Variants in GARNL3 observed in about 807,000 individuals in gnomAD.
The protein encoded by GARNL3 is GTPase activating Rap/RanGAP domain like 3, also known as GTPase-activating Rap/Ran-GAP domain-like protein 3.
In GARNL3, 63 loss-of-function variants were observed where a neutral mutation model predicts 125.0. The observed-to-expected ratio is 0.50, with a 90% CI of 0.41 to 0.62. GARNL3 has a LOEUF of 0.62. Ranked by LOEUF, GARNL3 falls within the 20% of genes least tolerant of loss-of-function variation. The pLI, the probability that GARNL3 is intolerant of heterozygous loss-of-function variation, is 0.00. For missense variants in GARNL3, 994 were observed against 1,244.0 expected, an observed-to-expected ratio of 0.80 and a Z score of 3.02; for synonymous variants, 439 against 457.5, an observed-to-expected ratio of 0.96 and a Z score of 0.52.
chr9:127,276,130 CTT>C (rs397756190), intron 1 of GARNL3, among the ~76,000 whole-genome samples: 10 of 144,330 alleles, frequency 6.9e-5, no homozygotes, highest in African/African-American at 1.3e-4. Flanking sequence ...TCAACTCTGC[CTT>C]TTTTTTTTTT....
chr9:127,333,184 C>G (rs1467787153), intron 9 of GARNL3, 63 bp downstream of exon 9: 1 of 1,304,970 alleles, frequency 7.7e-7, no homozygotes, highest in Non-Finnish European at 1.1e-6. Context: ...CAGCCTGACC[C>G]GTGTCTGAAC....
chr9:127,300,790 A>G (rs1163024437), intron 2 of GARNL3: 2 of 379,910 alleles, frequency 5.3e-6, no homozygotes, highest in Non-Finnish European at 1.0e-5. Context: ...AGTTTTGCAG[A>G]TTCATTTGGA....
At chr9:127,288,527 T>C (rs929948286) in intron 1 of GARNL3, among the ~76,000 whole-genome samples, 5 of 152,128 alleles carry the variant, frequency 3.3e-5, no homozygotes, top group African/African-American at 1.2e-4. Context: ...TGACAGATGA[T>C]GGTGACTTGA....
intron 1 of GARNL3, among the ~76,000 whole-genome samples, chr9:127,231,041 T>TATATAC (rs1237213118): frequency 2.1e-5 from 1 of 47,326 alleles, no homozygotes; most frequent in Non-Finnish European, 3.7e-5. Context: ...TATACATATA[T>TATATAC]ATATATATAT....
intron 1 of GARNL3, among the ~76,000 whole-genome samples, chr9:127,227,388 G>T (rs572089112): frequency 6.6e-6 from 1 of 152,242 alleles, no homozygotes; most frequent in South Asian, 2.1e-4. Flanking sequence ...ATCATTTGAG[G>T]TCAGGAGTTT....
intron 2 of GARNL3, among the ~76,000 whole-genome samples, chr9:127,244,591 G>T (rs1242758837): frequency 6.6e-6 from 1 of 152,140 alleles, no homozygotes; most frequent in East Asian, 1.9e-4. Context: ...GTTGAGAAAC[G>T]CTGCTCTTAA....
chr9:127,275,896 A>G (rs1039142510), intron 1 of GARNL3, among the ~76,000 whole-genome samples: 9 of 152,158 alleles, frequency 5.9e-5, no homozygotes, highest in African/African-American at 2.2e-4. Flanking sequence ...AGTCTTTTAA[A>G]ATATAATCTC....
rs923461668 is a variant in GARNL3 at position 127,243,078 on chromosome 9, G to A, written c.-28-1G>A. 7.4e-7 allele frequency: 1 copy of A among 1,354,252 alleles called. No individual in the cohort carries two copies. The highest frequency in any genetic ancestry group is 1.5e-5 in the African/African-American group (1 of 67,578). The allele number at this position is 1,354,252 out of a possible 1,614,324, so 83.9% of individuals were successfully genotyped here. On this transcript the variant is annotated splice_acceptor_variant, in intron 1 of 10. Transcript: ENST00000439286. LOFTEE classifies it low-confidence loss of function (5UTR_SPLICE). The stretch of plus-strand genomic sequence containing the variant: ...TGCCTTTCCCAACTCTTCTGTTTCA[G>A]GACAGCTGCCCAGCCTCCAGGCCCA...
At chr9:127,390,857 A>G (rs1194221877) in intron 27 of GARNL3, 90 bp downstream of exon 27, 2 of 1,341,942 alleles carry the variant, frequency 1.5e-6, no homozygotes, top group Non-Finnish European at 2.1e-6. Context: ...TGATAATGCC[A>G]CTAGTGGCCC....
chr9:127,369,656 G>C (rs963252557), intron 22 of GARNL3, among the ~76,000 whole-genome samples: 3 of 152,248 alleles, frequency 2.0e-5, no homozygotes. Flanking sequence ...TCTCTGGAAA[G>C]CAGGGGGAGC....
chr9:127,384,983 C>A lies in GARNL3; in HGVS notation c.2270-44C>A. On this transcript the variant is annotated intron_variant, in intron 23 of 27. Coordinates refer to ENST00000373387, the MANE Select transcript of GARNL3 (RefSeq NM_032293.5). The surrounding 1 kb of genome is among the most constrained non-coding windows in gnomAD (Gnocchi z 4.0). ...GACACAGTCACAGCCCCTTCGCGGC[C>A]ACCAAGCCAGCAGCTGGGAGGTGAC... 1 of 1,287,350 alleles carries A rather than the reference C, an allele frequency of 7.8e-7. No homozygotes were observed. Among genetic ancestry groups the A allele is most frequent in the Non-Finnish European group, 1.1e-6 (1 of 899,892 alleles). 79.7% of individuals were successfully genotyped at this position (1,287,350 alleles called of 1,614,324 possible). A position where few individuals can be genotyped will look rare whatever the true frequency, so the allele number is the denominator to read the frequency against.
At chr9:127,238,745 C>G (rs1193594591) in intron 1 of GARNL3, among the ~76,000 whole-genome samples, 1 of 145,712 alleles carries the variant, frequency 6.9e-6, no homozygotes, top group Non-Finnish European at 1.5e-5. Flanking sequence ...CTCTTGGTGT[C>G]TTATTTTTCA....
intron 19 of GARNL3, 151 bp downstream of exon 19, chr9:127,354,561 A>G: frequency 1.8e-6 from 1 of 561,446 alleles, no homozygotes; most frequent in Non-Finnish European, 3.2e-6. Context: ...CACTGTTTCC[A>G]GAAGGAGCTT....
At chr9:127,271,706 C>G (rs2063828238) in intron 1 of GARNL3, among the ~76,000 whole-genome samples, 1 of 150,062 alleles carries the variant, frequency 6.7e-6, no homozygotes, top group Admixed American at 6.6e-5. Context: ...GAAATTGATA[C>G]AGTATCAGTG....
At chr9:127,289,836 G>A (rs539838105) in intron 1 of GARNL3, among the ~76,000 whole-genome samples, 8 of 152,314 alleles carry the variant, frequency 5.3e-5, no homozygotes, top group African/African-American at 1.2e-4. Context: ...TCAGTTTAGC[G>A]AATAGTGTAA....
chr9:127,298,149 C>G (rs2064663667), intron 2 of GARNL3, among the ~76,000 whole-genome samples: 1 of 152,150 alleles, frequency 6.6e-6, no homozygotes, highest in Non-Finnish European at 1.5e-5. Context: ...TTGATATCAC[C>G]AAACGTGTTT....
chr9:127,236,392 T>C (rs1364009516), intron 1 of GARNL3, among the ~76,000 whole-genome samples: 1 of 152,240 alleles, frequency 6.6e-6, no homozygotes, highest in Non-Finnish European at 1.5e-5. Context: ...GCACCAGTGA[T>C]AGCACAATCA....
chr9:127,365,034 G>A (rs911804235), intron 21 of GARNL3: 63 of 428,130 alleles, frequency 1.5e-4, no homozygotes, highest in Non-Finnish European at 2.3e-4. Flanking sequence ...GCTTCTCAAC[G>A]GCTATGAAAA....
At chr9:127,324,984 A>G in intron 6 of GARNL3, 85 bp from the exon 7 acceptor site, 1 of 1,368,508 alleles carries the variant, frequency 7.3e-7, no homozygotes, top group Non-Finnish European at 1.0e-6. Context: ...CAGTGTGAGC[A>G]AACCAAAGCT....
Sources: gnomAD v4.1 joint callset for allele counts (sites outside exome capture counted in the v4.1 genomes callset) on GRCh38, gnomAD v4.1.1 for gene constraint, Gnocchi (gnomAD v3.1) non-coding constraint, MANE v1.5 for transcripts, NCBI Gene and HGNC (gene_info 2026-07-23, HGNC 2026-07-21) for gene names.